The following KCNB2 variants were observed in gnomAD, a reference collection of about 807,000 sequenced individuals.
KCNB2 encodes delayed rectifier potassium channel protein.
KCNB2 carries 15 observed loss-of-function variants against 61.5 expected under a neutral mutation model. The observed-to-expected ratio is 0.24, with a 90% CI of 0.16 to 0.38. The LOEUF is 0.38. Ranked by LOEUF, KCNB2 falls within the 10% of genes least tolerant of loss-of-function variation. The probability of loss-of-function intolerance (pLI) is 1.00; values close to 1 mark genes in which losing one functional copy is unlikely to be tolerated. For synonymous variants in KCNB2, 457 were observed against 446.0 expected (o/e 1.02, Z -0.31); for missense variants, 828 against 1,125.2 (o/e 0.74, Z 3.78).
At chr8:72,869,757 A>T (rs1178997983) in intron 2 of KCNB2, among the ~76,000 whole-genome samples, 2 of 152,256 alleles carry the variant, frequency 1.3e-5, no homozygotes, top group African/African-American at 4.8e-5. Flanking sequence ...GTAAATGAGT[A>T]TAGCCACTAT....
chr8:72,845,988 G>GAA (rs398112603), intron 2 of KCNB2, among the ~76,000 whole-genome samples: 3,927 of 143,510 alleles, frequency 0.027, 79 homozygotes, highest in Non-Finnish European at 0.039. Context: ...ACTGGGGTAT[G>GAA]AAAAAAAAAA....
chr8:72,770,166 T>TA (rs1042249884), intron 2 of KCNB2, among the ~76,000 whole-genome samples: 1 of 152,138 alleles, frequency 6.6e-6, no homozygotes, highest in East Asian at 1.9e-4. Context: ...CTACAGCAAC[T>TA]AAAAAATATG....
chr8:72,586,305 T>C (rs16938243), intron 2 of KCNB2, among the ~76,000 whole-genome samples: 17,710 of 152,266 alleles, frequency 0.12, 1,417 homozygotes, highest in East Asian at 0.48. Flanking sequence ...CTTTTTATGG[T>C]TGAGGTTTTA....
At chr8:72,654,959 G>A (rs1806267200) in intron 2 of KCNB2, among the ~76,000 whole-genome samples, 3 of 152,024 alleles carry the variant, frequency 2.0e-5, no homozygotes, top group Admixed American at 1.3e-4. Context: ...TATACCCAAA[G>A]GAATATGAAT....
chr8:72,629,703 A>G (rs761330405), intron 2 of KCNB2, among the ~76,000 whole-genome samples: 1 of 152,170 alleles, frequency 6.6e-6, no homozygotes, highest in Non-Finnish European at 1.5e-5. Context: ...CTAGAAGGGC[A>G]ATGGGTTCTG....
chr8:72,804,663 G>C (rs895806131), intron 2 of KCNB2, among the ~76,000 whole-genome samples: 6 of 152,122 alleles, frequency 3.9e-5, no homozygotes, highest in Non-Finnish European at 7.4e-5. Context: ...ATGACTTGTG[G>C]GGCTTTGCCA....
chr8:72,633,134 C>T (rs901002018), intron 2 of KCNB2, among the ~76,000 whole-genome samples: 1 of 152,134 alleles, frequency 6.6e-6, no homozygotes, highest in African/African-American at 2.4e-5. Flanking sequence ...CTTTCACGCT[C>T]TTTCAGGTTA....
chr8:72,801,663 A>G (rs1188807086), intron 2 of KCNB2, among the ~76,000 whole-genome samples: 1 of 152,132 alleles, frequency 6.6e-6, no homozygotes, highest in Non-Finnish European at 1.5e-5. Context: ...AATACGATAC[A>G]GTGAGGACTG....
chr8:72,718,580 C>T (rs547959613), intron 2 of KCNB2, among the ~76,000 whole-genome samples: 14 of 149,764 alleles, frequency 9.3e-5, no homozygotes, highest in Admixed American at 2.7e-4. Flanking sequence ...AACCAAACAC[C>T]GCATGTTCTC....
intron 2 of KCNB2, among the ~76,000 whole-genome samples, chr8:72,832,280 A>C (rs1381430697): frequency 1.3e-5 from 2 of 152,202 alleles, no homozygotes; most frequent in Admixed American, 1.3e-4. Flanking sequence ...GAGTTATGAA[A>C]GCATCCTAGC....
At chr8:72,888,646 A>T (rs1805846070) in intron 2 of KCNB2, among the ~76,000 whole-genome samples, 1 of 152,236 alleles carries the variant, frequency 6.6e-6, no homozygotes, top group African/African-American at 2.4e-5. Context: ...CTTTGCCATC[A>T]TTAAAGCCTG....
At chr8:72,724,812 C>T (rs1212313706) in intron 2 of KCNB2, among the ~76,000 whole-genome samples, 1 of 152,086 alleles carries the variant, frequency 6.6e-6, no homozygotes, top group African/African-American at 2.4e-5. Context: ...TGTAAATGGA[C>T]GGATCTAGCA....
rs374333209 is a variant in KCNB2 at position 72,938,104 on chromosome 8, G to C, written c.*13G>C. ...AACCAGCATGTGACTAGTTACAAAAGCAATAAATTGAAACAAAACAAAACA... is the reference window on the plus strand; with the variant it reads ...AACCAGCATGTGACTAGTTACAAAACCAATAAATTGAAACAAAACAAAACA... On this transcript the variant is annotated 3_prime_UTR_variant, in exon 3 of 3. Transcript: ENST00000523207. 2.6e-6 allele frequency: 4 copies of C among 1,553,596 alleles called. No homozygotes were observed. The African/African-American group carries it at 5.5e-5, about 21-fold the overall frequency.
intron 1 of KCNB2, among the ~76,000 whole-genome samples, chr8:72,552,416 A>G (rs1193034508): frequency 6.6e-6 from 1 of 152,186 alleles, no homozygotes; most frequent in Non-Finnish European, 1.5e-5. Context: ...TATTTGAAAC[A>G]TAACTTGAGA....
At chr8:72,568,476 C>A (rs1806662016) in intron 2 of KCNB2, among the ~76,000 whole-genome samples, 163 bp downstream of exon 2, 1 of 152,178 alleles carries the variant, frequency 6.6e-6, no homozygotes, top group Admixed American at 6.5e-5. Context: ...CCAATATAGT[C>A]ATTCATCCTG....
chr8:72,893,838 T>C (rs1412257173), intron 2 of KCNB2, among the ~76,000 whole-genome samples: 1 of 152,152 alleles, frequency 6.6e-6, no homozygotes, highest in East Asian at 1.9e-4. Context: ...GCAAATTTCA[T>C]GACAATGTAA....
intron 2 of KCNB2, among the ~76,000 whole-genome samples, chr8:72,775,506 G>A (rs17766205): frequency 0.027 from 4,036 of 152,084 alleles, 63 homozygotes; most frequent in African/African-American, 0.038. Flanking sequence ...ATGTGTGCGC[G>A]TATTTTTTAA....
Position 72,881,567 on chromosome 8 carries a change from A to G in KCNB2, c.580-54368A>G, listed in dbSNP as rs1330318713. ...GGAGCTGTAGACCGGAGCTGTTCCT[A>G]TTCGGCCATCTTGGCTCCTCCTGCA... On this transcript the variant is annotated intron_variant, in intron 2 of 2. Transcript: ENST00000523207. The G allele has an allele frequency of 1.0e-3, 3 of 2,986 alleles. 1 individual carries two copies. The highest frequency in any genetic ancestry group is 2.1e-3 in the East Asian group (3 of 1,444). 0.2% of individuals were successfully genotyped at this position (2,986 alleles called of 1,614,324 possible).
At chr8:72,806,115 TTTGGGAGGCCAAG>T (rs576392248) in intron 2 of KCNB2, among the ~76,000 whole-genome samples, 1 of 152,174 alleles carries the variant, frequency 6.6e-6, no homozygotes, top group East Asian at 1.9e-4. Flanking sequence ...ATCCTAGCAC[TTTGGGAGGCCAAG>T]GTGGGTGGAT....
Sources: allele counts gnomAD v4.1 joint callset (sites outside exome capture counted in the v4.1 genomes callset), GRCh38; gene constraint gnomAD v4.1.1; transcripts MANE v1.5; gene names NCBI Gene and HGNC (gene_info 2026-07-23, HGNC 2026-07-21).